The following PEPD variants were observed in gnomAD, a reference collection of about 807,000 sequenced individuals.
PEPD encodes the protein xaa-Pro dipeptidase.
In PEPD, 53 loss-of-function variants were observed where a neutral mutation model predicts 60.7. The ratio of observed to expected loss-of-function variants is 0.87; its 90% confidence interval spans 0.70 to 1.10. The LOEUF (loss-of-function observed/expected upper bound fraction) is 1.10, where lower values mean the gene tolerates loss of function less well. Ranked by LOEUF, PEPD falls within the 50% of genes least tolerant of loss-of-function variation. PEPD has a pLI of 0.00. For missense variants in PEPD, 711 were observed against 711.9 expected (o/e 1.00, Z 0.01); for synonymous variants, 267 against 284.1 (o/e 0.94, Z 0.60).
At chr19:33,496,071 A>G (rs1333456565) in intron 4 of PEPD, among the ~76,000 whole-genome samples, 1 of 152,162 alleles carries the variant, frequency 6.6e-6, no homozygotes, top group East Asian at 1.9e-4. Flanking sequence ...AGACTTATTA[A>G]AAGGAACAGG....
At chr19:33,395,139 TC>T (rs1968331498) in intron 12 of PEPD, 1 of 152,434 alleles carries the variant, frequency 6.6e-6, no homozygotes, top group Admixed American at 6.5e-5. Context: ...GGCCACCTCC[TC>T]CAAGCCCGTT....
chr19:33,512,731 C>A lies in PEPD; in HGVS notation c.63G>T (p.Ala21=). ...LGNETLKVPL[A]LFALNRQRLC... is the part of the protein sequence containing the mutation. The stretch of plus-strand genomic sequence containing the variant: ...GGCGCTGCCGGTTCAAGGCAAAGAG[C>A]GCCAGCGGCACCTTCAGGGTTTCAT... Residue 21 remains alanine, a synonymous_variant, in exon 2 of 15, where the codon GCG becomes GCT. Coordinates refer to ENST00000244137, the MANE Select transcript of PEPD (RefSeq NM_000285.4). The A allele has an allele frequency of 1.2e-6, 2 of 1,614,032 alleles. No individual in the cohort carries two copies. Among genetic ancestry groups the A allele is most frequent in the Non-Finnish European group, 1.7e-6 (2 of 1,179,936 alleles).
At chr19:33,451,092 G>A (rs1969690250) in intron 9 of PEPD, among the ~76,000 whole-genome samples, 1 of 152,352 alleles carries the variant, frequency 6.6e-6, no homozygotes, top group South Asian at 2.1e-4. Context: ...ACTGCCTGTA[G>A]GTAGCCCTGC....
chr19:33,453,771 A>G (rs1969745640), intron 9 of PEPD, among the ~76,000 whole-genome samples: 1 of 152,220 alleles, frequency 6.6e-6, no homozygotes, highest in South Asian at 2.1e-4. Context: ...CCTCCTATGA[A>G]GTGCTATTAT....
At chr19:33,439,938 G>C (rs951827161) in intron 9 of PEPD, among the ~76,000 whole-genome samples, 1 of 152,146 alleles carries the variant, frequency 6.6e-6, no homozygotes, top group Non-Finnish European at 1.5e-5. Context: ...GGCTGGGCTC[G>C]AACCCCCGGC....
intron 4 of PEPD, among the ~76,000 whole-genome samples, chr19:33,497,218 G>A (rs140520270): frequency 8.5e-4 from 129 of 152,364 alleles, no homozygotes; most frequent in Non-Finnish European, 1.4e-3. Context: ...TGACCCCATC[G>A]CTTCCGATGC....
chr19:33,501,751 G>A lies in PEPD; in HGVS notation c.330-750C>T, dbSNP rs534676460. Among the ~76,000 whole-genome samples, 5 of 152,166 alleles carry A rather than the reference G, an allele frequency of 3.3e-5. No homozygotes were observed. The South Asian group carries it at 1.0e-3, about 32-fold the overall frequency. ...AGCATCTCGTTCTGTCACCCAGGCT[G>A]GAGTGCTGTGGCACAATCATAGCTC... On this transcript the variant is annotated intron_variant, in intron 3 of 14. Transcript: ENST00000244137.
chr19:33,520,348 C>T (rs1002995809), intron 1 of PEPD, among the ~76,000 whole-genome samples: 3 of 152,250 alleles, frequency 2.0e-5, no homozygotes, highest in African/African-American at 7.2e-5. Flanking sequence ...TTCCTTGACA[C>T]CCATCTGAGA....
chr19:33,422,839 C>CTATCTATCTATCTATCT (rs1568463742), intron 9 of PEPD, among the ~76,000 whole-genome samples: 229 of 39,852 alleles, frequency 5.7e-3, no homozygotes, highest in African/African-American at 8.6e-3. Flanking sequence ...TCTATCTATC[C>CTATCTATCTATCTATCT]ATCTATCCAT....
intron 9 of PEPD, among the ~76,000 whole-genome samples, chr19:33,426,968 C>T (rs1178625108): frequency 5.3e-5 from 8 of 152,232 alleles, no homozygotes; most frequent in African/African-American, 1.7e-4. Flanking sequence ...CCCTCCACCG[C>T]GTGCGGCTGT....
At chr19:33,400,630 C>T (rs1377355260) in intron 12 of PEPD, among the ~76,000 whole-genome samples, 2 of 152,212 alleles carry the variant, frequency 1.3e-5, no homozygotes, top group Non-Finnish European at 2.9e-5. Flanking sequence ...TTGGCCAGCA[C>T]ATGGTGATCC....
At chr19:33,391,136 C>T (rs990191722) in intron 13 of PEPD, among the ~76,000 whole-genome samples, 159 bp downstream of exon 13, 12 of 152,118 alleles carry the variant, frequency 7.9e-5, no homozygotes, top group African/African-American at 2.9e-4. Context: ...GTCCCGATTC[C>T]CCCCTCCTCA....
intron 9 of PEPD, among the ~76,000 whole-genome samples, chr19:33,453,213 C>A (rs569741633): frequency 2.0e-5 from 3 of 152,216 alleles, no homozygotes; most frequent in Admixed American, 1.3e-4. Flanking sequence ...ACTCCAGAGG[C>A]TGAGGGGGGA....
intron 9 of PEPD, among the ~76,000 whole-genome samples, chr19:33,418,158 G>C (rs1968930163): frequency 6.6e-6 from 1 of 152,216 alleles, no homozygotes; most frequent in Non-Finnish European, 1.5e-5. Context: ...ATGATGTTTG[G>C]GGCCAAGCAG....
intron 1 of PEPD, among the ~76,000 whole-genome samples, chr19:33,519,970 G>A (rs945920200): frequency 6.6e-6 from 1 of 152,078 alleles, no homozygotes; most frequent in African/African-American, 2.4e-5. Flanking sequence ...AGGAGGCTGA[G>A]GCAGAAGACT....
At chr19:33,414,337 C>G (rs533238320) in intron 9 of PEPD, among the ~76,000 whole-genome samples, 1 of 152,350 alleles carries the variant, frequency 6.6e-6, no homozygotes, top group African/African-American at 2.4e-5. Context: ...AGCCCTGGCC[C>G]CAGGCTAAGC....
At chr19:33,494,549 A>C (rs1970563285) in intron 4 of PEPD, among the ~76,000 whole-genome samples, 1 of 152,218 alleles carries the variant, frequency 6.6e-6, no homozygotes, top group Admixed American at 6.5e-5. Flanking sequence ...TGACATTTGG[A>C]TCATATGAAA....
chr19:33,480,814 GT>G, intron 6 of PEPD, among the ~76,000 whole-genome samples: 1 of 42,974 alleles, frequency 2.3e-5, no homozygotes, highest in African/African-American at 7.0e-5. Context: ...TATATATAGC[GT>G]GTGTGTGTGT....
rs1020328895 is a variant in PEPD, at chr19:33,512,850, G to C, written c.18-74C>G. The C allele has an allele frequency of 3.9e-6, 6 of 1,558,426 alleles. No homozygotes were observed. In the South Asian group the frequency reaches 5.6e-5, roughly 15 times the overall value. ...CCAAGCATGCCCACACCTGAGGTCGGGGTGACCGGAGGCCCGAGCCTGCCG... is the reference window on the plus strand; with the variant it reads ...CCAAGCATGCCCACACCTGAGGTCGCGGTGACCGGAGGCCCGAGCCTGCCG... On this transcript the variant is annotated intron_variant, in intron 1 of 14. Coordinates refer to ENST00000244137, the MANE Select transcript of PEPD (RefSeq NM_000285.4).
Sources: allele counts gnomAD v4.1 joint callset (sites outside exome capture counted in the v4.1 genomes callset), GRCh38; gene constraint gnomAD v4.1.1; transcripts MANE v1.5; gene names NCBI Gene and HGNC (gene_info 2026-07-23, HGNC 2026-07-21).